The following XRCC6 variants were observed in gnomAD, a reference collection of about 807,000 sequenced individuals.
XRCC6 encodes X-ray repair cross complementing 6.
In XRCC6, 5 loss-of-function variants were observed where a neutral mutation model predicts 65.7. The observed-to-expected ratio is 0.08, with a 90% CI of 0.04 to 0.16. XRCC6 has a LOEUF of 0.16. Ranked by LOEUF, XRCC6 falls within the 10% of genes least tolerant of loss-of-function variation. XRCC6 has a pLI of 1.00. For synonymous variants in XRCC6, 270 were observed against 270.6 expected (o/e 1.00, Z 0.02); for missense variants, 447 against 738.1 (o/e 0.61, Z 4.57).
chr22:41,621,919 A>G, intron 1 of XRCC6, 71 bp from the exon 2 acceptor site: 2 of 1,451,472 alleles, frequency 1.4e-6, no homozygotes, highest in Non-Finnish European at 9.7e-7. Flanking sequence ...AACAGATCTC[A>G]CAAGAACCTA....
In XRCC6 at chr22:41,663,434, T is replaced by TATTTTCCTCCTAG. The variant is rs1207016799; in HGVS notation, c.1637-188_1637-187insATTTTCCTCCTAG. On this transcript the variant is annotated intron_variant, in intron 12 of 12. Coordinates refer to ENST00000360079, the MANE Select transcript of XRCC6 (RefSeq NM_001469.5). ...TTGTAATTTCCTCCTAGGTGTGATC[T>TATTTTCCTCCTAG]GTGTTTTATTTTGCACTTTAAATGA... 5.0e-4 allele frequency among the ~76,000 whole-genome samples: 76 copies of TATTTTCCTCCTAG among 152,352 alleles called. 1 individual carries two copies. The highest frequency in any genetic ancestry group is 1.6e-3 in the African/African-American group (68 of 41,592).
At chr22:41,653,377 C>T in intron 8 of XRCC6, 152 bp from the exon 9 acceptor site, 1 of 709,812 alleles carries the variant, frequency 1.4e-6, no homozygotes, top group South Asian at 2.6e-5. Context: ...GCACTCTATC[C>T]TGGGTGACAG....
chr22:41,636,015 A>C, intron 3 of XRCC6, 98 bp from the exon 4 acceptor site: 1 of 1,125,692 alleles, frequency 8.9e-7, no homozygotes, highest in Non-Finnish European at 1.2e-6. Context: ...TGCCATATAC[A>C]AATTCAGTGC....
rs1279307127 is a variant in XRCC6, at chr22:41,651,043, C to A, written c.1129+152C>A. On this transcript the variant is annotated intron_variant, in intron 8 of 12. Transcript: ENST00000360079. The stretch of plus-strand genomic sequence containing the variant: ...AAGCTCTGCCTGGTGCAGTGGCTCA[C>A]ACCTGTAATCCTAGCACTTTGGGAG... 15 of 1,079,490 alleles carry A rather than the reference C, an allele frequency of 1.4e-5. No individual in the cohort carries two copies. The East Asian group carries it at 3.2e-4, about 23-fold the overall frequency. 66.9% of individuals were successfully genotyped at this position (1,079,490 alleles called of 1,614,324 possible).
At chr22:41,628,088 A>G (rs2067698247) in intron 2 of XRCC6, 30 bp from the exon 3 acceptor site, 8 of 1,497,516 alleles carry the variant, frequency 5.3e-6, no homozygotes, top group Non-Finnish European at 5.5e-6. Flanking sequence ...AAACAAGGAC[A>G]AACATTTTCT....
At chr22:41,629,762 C>T (rs947000120) in intron 3 of XRCC6, among the ~76,000 whole-genome samples, 19 of 152,166 alleles carry the variant, frequency 1.2e-4, no homozygotes, top group Admixed American at 3.3e-4. Flanking sequence ...CTCCGCCTCC[C>T]GGGTTCATGC....
chr22:41,622,151 G>T, intron 2 of XRCC6, 65 bp downstream of exon 2: 1 of 1,548,504 alleles, frequency 6.5e-7, no homozygotes. Context: ...GCCTATCTCT[G>T]CTGGATGGAC....
intron 7 of XRCC6, among the ~76,000 whole-genome samples, chr22:41,648,585 C>A (rs2067959567): frequency 6.6e-6 from 1 of 152,054 alleles, no homozygotes; most frequent in African/African-American, 2.4e-5. Context: ...CATCCTCTTA[C>A]CTTTGCTCAG....
At chr22:41,655,017 C>T (rs2068031983) in intron 9 of XRCC6, among the ~76,000 whole-genome samples, 1 of 152,164 alleles carries the variant, frequency 6.6e-6, no homozygotes, top group South Asian at 2.1e-4. Context: ...TCAGCATCTC[C>T]ACACTGTAAA....
At chr22:41,624,101 TTG>T (rs1220353132) in intron 2 of XRCC6, among the ~76,000 whole-genome samples, 1 of 151,924 alleles carries the variant, frequency 6.6e-6, no homozygotes, top group African/African-American at 2.4e-5. Flanking sequence ...ATACTGTAAT[TTG>T]TCTGGGTGTG....
intron 2 of XRCC6, among the ~76,000 whole-genome samples, chr22:41,624,017 G>A (rs1323649432): frequency 2.6e-5 from 4 of 152,138 alleles, no homozygotes; most frequent in African/African-American, 7.2e-5. Flanking sequence ...GCCACTGTGC[G>A]TGGCCTATAG....
chr22:41,647,798 C>T (rs998236569), intron 7 of XRCC6, among the ~76,000 whole-genome samples: 10 of 151,972 alleles, frequency 6.6e-5, no homozygotes, highest in African/African-American at 2.4e-4. Flanking sequence ...GCCTCGAACT[C>T]CTAGGCTCAA....
At position 41,646,884 on chromosome 22, in the gene XRCC6, T is replaced by C; in HGVS notation, c.774-12T>C. Reference sequence around the variant, plus strand: ...TTTTCAGTTCATGCTCTTTCATTTTTTACTCCCTCAGGTTAAAGCTGAAGC... The same window carrying C: ...TTTTCAGTTCATGCTCTTTCATTTTCTACTCCCTCAGGTTAAAGCTGAAGC... On this transcript the variant is annotated splice_polypyrimidine_tract_variant and intron_variant, in intron 6 of 12. Coordinates refer to ENST00000360079, the MANE Select transcript of XRCC6 (RefSeq NM_001469.5). 1 of 1,573,290 alleles carries C rather than the reference T, an allele frequency of 6.4e-7. No individual in the cohort carries two copies. Among genetic ancestry groups the C allele is most frequent in the Non-Finnish European group, 8.6e-7 (1 of 1,160,024 alleles).
intron 2 of XRCC6, among the ~76,000 whole-genome samples, chr22:41,623,525 C>T (rs2067634507): frequency 6.6e-6 from 1 of 150,634 alleles, no homozygotes; most frequent in African/African-American, 2.4e-5. Context: ...GTAGCTGGGA[C>T]CATAGGCGCC....
Position 41,651,767 on chromosome 22 carries a change from C to T in XRCC6, c.1129+876C>T, listed in dbSNP as rs575558217. ...GGTCTCGAACTCCTGACCTCGTGAG[C>T]CACTGCACCTGGCCTTATTTATATT... On this transcript the variant is annotated intron_variant, in intron 8 of 12. Coordinates refer to ENST00000360079, the MANE Select transcript of XRCC6 (RefSeq NM_001469.5). Among the ~76,000 whole-genome samples the T allele has an allele frequency of 4.7e-5, 7 of 150,492 alleles. No individual in the cohort carries two copies. In the South Asian group the frequency reaches 8.4e-4, roughly 18 times the overall value.
chr22:41,660,349 ATTC>A (rs902063245), intron 11 of XRCC6, among the ~76,000 whole-genome samples: 11 of 152,052 alleles, frequency 7.2e-5, no homozygotes, highest in South Asian at 2.1e-4. Flanking sequence ...TCCCACTCCT[ATTC>A]TTCTTACATT....
intron 9 of XRCC6, among the ~76,000 whole-genome samples, chr22:41,655,801 T>TGATC (rs1293364064): frequency 6.6e-6 from 1 of 151,694 alleles, no homozygotes; most frequent in Non-Finnish European, 1.5e-5. Flanking sequence ...TGAGCTCAAG[T>TGATC]GATCCTCCTG....
At chr22:41,634,274 C>T (rs957907720) in intron 3 of XRCC6, among the ~76,000 whole-genome samples, 1 of 151,852 alleles carries the variant, frequency 6.6e-6, no homozygotes, top group Non-Finnish European at 1.5e-5. Flanking sequence ...CAGCCTTGAC[C>T]TCCTGTGCTC....
intron 3 of XRCC6, among the ~76,000 whole-genome samples, chr22:41,628,633 A>G (rs8142738): frequency 0.017 from 2,640 of 152,262 alleles, 65 homozygotes; most frequent in African/African-American, 0.06. Flanking sequence ...GATGGCTACA[A>G]TAAAAAGGCA....
Sources: gnomAD v4.1 joint callset for allele counts (sites outside exome capture counted in the v4.1 genomes callset) on GRCh38, gnomAD v4.1.1 for gene constraint, MANE v1.5 for transcripts, NCBI Gene and HGNC (gene_info 2026-07-23, HGNC 2026-07-21) for gene names.